ATP11A: variants seen among roughly 807,000 people sequenced by gnomAD.
ATP11A encodes phospholipid-transporting ATPase IH.
ATP11A carries 81 observed loss-of-function variants against 154.4 expected under a neutral mutation model. The ratio of observed to expected loss-of-function variants is 0.52; its 90% CI spans 0.44 to 0.63. The LOEUF (loss-of-function observed/expected upper bound fraction) is 0.63. Ranked by LOEUF, ATP11A falls within the 30% of genes least tolerant of loss-of-function variation. The pLI is 0.00. For synonymous variants in ATP11A, 623 were observed against 585.9 expected (o/e 1.06, Z -0.91); for missense variants, 1,316 against 1,474.3 (o/e 0.89, Z 1.76).
Position 112,806,291 on chromosome 13 carries a change from C to A in ATP11A, c.331C>A (p.Gln111Lys). 6.2e-7 allele frequency: 1 copy of A among 1,611,986 alleles called. No homozygotes were observed. The highest frequency in any genetic ancestry group is 8.5e-7 in the Non-Finnish European group (1 of 1,178,534). ...FFVITVTAIK[Q>K]GYEDWLRHKA... ...TGTCATTACTGTGACGGCTATCAAA[C>A]AGGTAAGCATTTTACAGACGAAAAA... Residue 111 changes from glutamine (Q) to lysine (K), a missense_variant and splice_region_variant, in exon 4 of 30, where the codon CAG (glutamine) becomes AAG (lysine). Around this residue, in one of 5 missense-constraint regions of ATP11A, gnomAD observed 876 missense variants for 1,006.8 expected, o/e 0.87. Coordinates refer to ENST00000375645, the MANE Select transcript of ATP11A (RefSeq NM_015205.3).
intron 1 of ATP11A, among the ~76,000 whole-genome samples, chr13:112,739,613 G>A (rs1448400265): frequency 6.6e-6 from 1 of 152,206 alleles, no homozygotes; most frequent in Non-Finnish European, 1.5e-5. Flanking sequence ...GCAATTCCAC[G>A]CCTAAATATG....
intron 17 of ATP11A, among the ~76,000 whole-genome samples, chr13:112,848,417 G>A (rs1242021828): frequency 6.6e-6 from 1 of 151,900 alleles, no homozygotes; most frequent in Non-Finnish European, 1.5e-5. Context: ...TGTTGACTTT[G>A]TACCCTGTGT....
At position 112,856,004 on chromosome 13, in the gene ATP11A, C is replaced by T. The variant is rs2079911667; in HGVS notation, c.2337C>T (p.Asn779=). ...MKPREDGSSG[N]YRELFLEICR... ...CTCGAGAAGACGGGAGTTCCGGCAA[C>T]TACAGGGAGCTCTTCCTGGAAATCT... The change falls in exon 20 of 30, where the codon AAC becomes AAT. Residue 779 remains asparagine, a synonymous_variant. Coordinates refer to ENST00000375645, the MANE Select transcript of ATP11A (RefSeq NM_015205.3). The T allele has an allele frequency of 6.2e-7, 1 of 1,614,082 alleles. No homozygotes were observed. Among genetic ancestry groups the T allele is most frequent in the Non-Finnish European group, 8.5e-7 (1 of 1,180,042 alleles).
In ATP11A at chr13:112,862,190, A is replaced by G. The variant is rs559771028; in HGVS notation, c.2856-250A>G. 5.9e-5 allele frequency among the ~76,000 whole-genome samples: 9 copies of G among 152,366 alleles called. No individual in the cohort carries two copies. In the South Asian group the frequency reaches 1.9e-3, roughly 32 times the overall value. On this transcript the variant is annotated intron_variant, in intron 24 of 29. Transcript: ENST00000375645. Reference sequence around the variant, plus strand: ...AGCATGTGGCAGCATCTCTGTGCCTATGACGATATTGCAGTGAATATGAGA... The same window carrying G: ...AGCATGTGGCAGCATCTCTGTGCCTGTGACGATATTGCAGTGAATATGAGA...
intron 2 of ATP11A, among the ~76,000 whole-genome samples, chr13:112,792,414 G>T (rs1321707599): frequency 6.6e-6 from 1 of 152,130 alleles, no homozygotes; most frequent in Non-Finnish European, 1.5e-5. Context: ...TGTTTTCCTG[G>T]GGTGGCGGAG....
At chr13:112,834,476 T>C in intron 14 of ATP11A, 113 bp from the exon 15 acceptor site, 1 of 712,304 alleles carries the variant, frequency 1.4e-6, no homozygotes, top group Non-Finnish European at 2.5e-6. Context: ...TCTGTTTAAC[T>C]GAAAGTATTT....
chr13:112,808,012 G>A (rs2078370874), intron 4 of ATP11A, among the ~76,000 whole-genome samples: 1 of 152,144 alleles, frequency 6.6e-6, no homozygotes, highest in Non-Finnish European at 1.5e-5. Context: ...AGATCTCCAG[G>A]AGTGTCCTGG....
chr13:112,702,117 G>A lies in ATP11A; in HGVS notation c.39+11662G>A, dbSNP rs552300090. ...TCCCAGCACTTTGGGAGGCCGAGGC[G>A]GGTGGATCACCTGAGGTCAGGAGTT... is the stretch of plus-strand genomic sequence containing the variant. On this transcript the variant is annotated intron_variant, in intron 1 of 29. Transcript: ENST00000375645. Among the ~76,000 whole-genome samples, 152 of 152,102 alleles carry A rather than the reference G, an allele frequency of 1.0e-3. No homozygotes were observed. The East Asian group carries it at 0.012, about 12-fold the overall frequency.
At chr13:112,800,176 GAAA>G (rs906208369) in intron 2 of ATP11A, among the ~76,000 whole-genome samples, 21 of 150,032 alleles carry the variant, frequency 1.4e-4, no homozygotes, top group African/African-American at 5.2e-4. Flanking sequence ...TTGAAAACAG[GAAA>G]TCAGAGAAAA....
intron 12 of ATP11A, among the ~76,000 whole-genome samples, chr13:112,829,095 GGCAGTGCCCCGTTCT>G (rs949536983): frequency 2.6e-5 from 4 of 152,232 alleles, no homozygotes; most frequent in African/African-American, 9.6e-5. Flanking sequence ...GTCAGGAGCA[GGCAGTGCCCCGTTCT>G]GCGATGCAGT....
intron 1 of ATP11A, among the ~76,000 whole-genome samples, chr13:112,693,909 A>G (rs914008888): frequency 3.9e-5 from 6 of 152,172 alleles, no homozygotes; most frequent in East Asian, 1.9e-4. Context: ...CTGAGATCGC[A>G]CCATTGCACT....
At chr13:112,831,995 G>A (rs2079104509) in intron 13 of ATP11A, among the ~76,000 whole-genome samples, 1 of 149,796 alleles carries the variant, frequency 6.7e-6, no homozygotes, top group East Asian at 2.0e-4. Flanking sequence ...TGCACACACA[G>A]ACACACATGC....
intron 1 of ATP11A, among the ~76,000 whole-genome samples, chr13:112,700,421 C>T (rs1313721611): frequency 1.3e-5 from 2 of 152,204 alleles, no homozygotes; most frequent in East Asian, 1.9e-4. Context: ...GTCCTTCCTT[C>T]CCCAAGGGTT....
chr13:112,757,843 G>A (rs769855869), intron 1 of ATP11A, among the ~76,000 whole-genome samples: 7 of 152,198 alleles, frequency 4.6e-5, no homozygotes, highest in East Asian at 1.9e-4. Context: ...CAAGGATGGC[G>A]TCATGTGTGT....
chr13:112,835,711 G>T (rs1015527281), intron 15 of ATP11A, among the ~76,000 whole-genome samples: 1 of 152,220 alleles, frequency 6.6e-6, no homozygotes, highest in Non-Finnish European at 1.5e-5. Flanking sequence ...TGCTCCAGAC[G>T]CCACACAGGT....
chr13:112,824,600 C>T (rs1199714777), intron 10 of ATP11A, among the ~76,000 whole-genome samples, 175 bp downstream of exon 10: 1 of 152,136 alleles, frequency 6.6e-6, no homozygotes, highest in Non-Finnish European at 1.5e-5. Flanking sequence ...AGGTGGATGG[C>T]CACACCCCTC....
In ATP11A at chr13:112,854,290, A is replaced by G; in HGVS notation, c.2003A>G (p.Lys668Arg). Residue 668 changes from lysine to arginine, a missense_variant, in exon 19 of 30, where the codon AAA becomes AGA. Lys to Arg is a conservative substitution (Grantham distance 26, BLOSUM62 2). Transcript: ENST00000375645. ...TTTGCCTCCCTCAGGCTGCAGGAGA[A>G]AGCTGCAGACACCATCGAGGCCCTG... ...ATAVEDRLQE[K>R]AADTIEALQK... The G allele has an allele frequency of 6.2e-7, 1 of 1,614,062 alleles. No individual in the cohort carries two copies.
chr13:112,842,177 C>G, intron 16 of ATP11A, 99 bp from the exon 17 acceptor site: 1 of 930,682 alleles, frequency 1.1e-6, no homozygotes, highest in South Asian at 1.5e-5. Context: ...TTCCACACTG[C>G]TATCCCTGTT....
In ATP11A at chr13:112,825,469, G is replaced by T. The variant is rs750635015; in HGVS notation, c.912G>T (p.Leu304=). The change falls in exon 11 of 30, where the codon CTG becomes CTT. Residue 304 remains leucine, a synonymous_variant. Coordinates refer to ENST00000375645, the MANE Select transcript of ATP11A (RefSeq NM_015205.3). ...TCCTCATTGTGTATCTCTGCATTCT[G>T]ATCAGCAAAGCCCTGATAAACACTG... ...NAFLIVYLCI[L]ISKALINTVL... is the part of the protein sequence containing the mutation. The T allele has an allele frequency of 6.2e-7, 1 of 1,613,856 alleles. No homozygotes were observed. Among genetic ancestry groups the T allele is most frequent in the Admixed American group, 1.7e-5 (1 of 59,950 alleles).
Sources: gnomAD v4.1 joint callset for allele counts (sites outside exome capture counted in the v4.1 genomes callset) on GRCh38, gnomAD v4.1.1 for gene constraint, gnomAD v4.1.1 regional missense constraint, MANE v1.5 for transcripts, NCBI Gene and HGNC (gene_info 2026-07-23, HGNC 2026-07-21) for gene names.